ARHGEF33: variants seen among roughly 807,000 people sequenced by gnomAD.
The protein encoded by ARHGEF33 is Rho guanine nucleotide exchange factor 33, also known as DH and coiled-coil domain-containing protein ENSP00000381780.
In ARHGEF33, 72 loss-of-function variants were observed where a neutral mutation model predicts 101.9. The observed-to-expected ratio is 0.71, with a 90% CI of 0.58 to 0.86. The LOEUF (loss-of-function observed/expected upper bound fraction) is 0.86, where lower values mean the gene tolerates loss of function less well. ARHGEF33 is among the 40% of genes least tolerant of loss of function. The pLI, the probability that ARHGEF33 is intolerant of heterozygous loss-of-function variation, is 0.00. For missense variants in ARHGEF33, 1,169 were observed against 1,111.3 expected, an observed-to-expected ratio of 1.05 and a Z score of -0.74; for synonymous variants, 499 against 442.5, an observed-to-expected ratio of 1.13 and a Z score of -1.60.
At chr2:38,918,377 G>T (rs1572747225) in intron 2 of ARHGEF33, among the ~76,000 whole-genome samples, 1 of 152,302 alleles carries the variant, frequency 6.6e-6, no homozygotes. Flanking sequence ...CCCAGGTCAT[G>T]TATCTATCAT....
chr2:38,944,185 C>G (rs947718073), intron 10 of ARHGEF33, among the ~76,000 whole-genome samples, 155 bp downstream of exon 10: 1 of 152,192 alleles, frequency 6.6e-6, no homozygotes, highest in African/African-American at 2.4e-5. Flanking sequence ...TCTCAGTTCA[C>G]TTTGTGCTGC....
chr2:38,935,635 C>A lies in ARHGEF33; in HGVS notation c.506-140C>A, dbSNP rs956877571. ...AGAAAATAGCACTTGCCACACTATACTGTAATTTCTTTTTTTTACTGCTCT... is the reference window on the plus strand; with the variant it reads ...AGAAAATAGCACTTGCCACACTATAATGTAATTTCTTTTTTTTACTGCTCT... On this transcript the variant is annotated intron_variant, in intron 7 of 17. Transcript: ENST00000409978. The A allele has an allele frequency of 2.5e-5, 15 of 606,374 alleles. No homozygotes were observed. In the South Asian group the frequency reaches 3.5e-4, roughly 14 times the overall value. The allele number at this position is 606,374 out of a possible 1,614,324, so 37.6% of individuals were successfully genotyped here.
At chr2:38,950,014 T>A (rs1404657091) in intron 10 of ARHGEF33, among the ~76,000 whole-genome samples, 1 of 152,114 alleles carries the variant, frequency 6.6e-6, no homozygotes. Context: ...CATGATACAA[T>A]CACCTCTCAC....
At chr2:38,892,336 C>T (rs887927284) in intron 1 of ARHGEF33, among the ~76,000 whole-genome samples, 4 of 152,154 alleles carry the variant, frequency 2.6e-5, no homozygotes, top group Non-Finnish European at 5.9e-5. Flanking sequence ...AAAAAAATCT[C>T]CTCCTCGTAA....
intron 8 of ARHGEF33, among the ~76,000 whole-genome samples, chr2:38,936,118 C>T (rs934570870): frequency 6.6e-5 from 10 of 152,196 alleles, no homozygotes; most frequent in Non-Finnish European, 1.2e-4. Flanking sequence ...CAAAAACTTG[C>T]AGGTGAATGT....
rs114377135 is a variant in ARHGEF33 at position 38,927,911 on chromosome 2, A to G, written c.76-996A>G. ...TTCATTTGTTCAATAAATACAACGA[A>G]CTTTAGAAGTGCTCCATTTTCTCCA... On this transcript the variant is annotated intron_variant, in intron 4 of 17. Transcript: ENST00000409978. Among the ~76,000 whole-genome samples, 1,327 of 152,238 alleles carry G rather than the reference A, an allele frequency of 8.7e-3. 19 individuals are homozygous for G. The highest frequency in any genetic ancestry group is 0.029 in the African/African-American group (1,208 of 41,546).
intron 11 of ARHGEF33, among the ~76,000 whole-genome samples, chr2:38,952,042 T>C (rs1323971683): frequency 6.6e-6 from 1 of 152,182 alleles, no homozygotes; most frequent in Non-Finnish European, 1.5e-5. Context: ...ATCCAATCAT[T>C]ATGCAGGAAA....
At chr2:38,948,884 C>G (rs552332642) in intron 10 of ARHGEF33, among the ~76,000 whole-genome samples, 1 of 152,148 alleles carries the variant, frequency 6.6e-6, no homozygotes, top group Non-Finnish European at 1.5e-5. Flanking sequence ...CCGTAGCTAC[C>G]CCTCCAAATT....
At chr2:38,951,148 A>G (rs1667593147) in intron 11 of ARHGEF33, 27 bp downstream of exon 11, 2 of 1,546,344 alleles carry the variant, frequency 1.3e-6, no homozygotes, top group South Asian at 1.2e-5. Flanking sequence ...CCCTCTATAC[A>G]TTTTACTTAT....
At chr2:38,963,707 A>T (rs1306019157) in intron 16 of ARHGEF33, among the ~76,000 whole-genome samples, 1 of 152,202 alleles carries the variant, frequency 6.6e-6, no homozygotes, top group Non-Finnish European at 1.5e-5. Context: ...GGTATTAGCA[A>T]ATGCATTGCC....
chr2:38,892,826 C>T (rs1666035299), intron 1 of ARHGEF33, among the ~76,000 whole-genome samples: 4 of 152,292 alleles, frequency 2.6e-5, no homozygotes, highest in Admixed American at 2.6e-4. Flanking sequence ...GCCCTCCTTT[C>T]CTTTCTAAGA....
At chr2:38,923,172 G>A (rs1271152347) in intron 4 of ARHGEF33, among the ~76,000 whole-genome samples, 4 of 152,134 alleles carry the variant, frequency 2.6e-5, no homozygotes, top group South Asian at 2.1e-4. Flanking sequence ...ACATCTGTTC[G>A]CAGTGGAACA....
chr2:38,942,164 C>CTTTTTTTT (rs35282727), intron 9 of ARHGEF33, among the ~76,000 whole-genome samples: 1 of 107,330 alleles, frequency 9.3e-6, no homozygotes, highest in African/African-American at 4.0e-5. Context: ...TCTCTCCTTT[C>CTTTTTTTT]TTTTTTTTTT....
intron 2 of ARHGEF33, among the ~76,000 whole-genome samples, chr2:38,909,539 A>G (rs1666464660): frequency 7.5e-6 from 1 of 133,752 alleles, no homozygotes; most frequent in Non-Finnish European, 1.6e-5. Flanking sequence ...GGGTTTTGCC[A>G]TGTTGCCCAG....
intron 7 of ARHGEF33, 39 bp from the exon 8 acceptor site, chr2:38,935,736 T>G: frequency 6.5e-7 from 1 of 1,532,424 alleles, no homozygotes; most frequent in Non-Finnish European, 8.9e-7. Flanking sequence ...TCCATGTTAG[T>G]GGAATGAACG....
intron 15 of ARHGEF33, chr2:38,959,456 G>A (rs1415172769): frequency 5.8e-6 from 1 of 173,104 alleles, no homozygotes; most frequent in Non-Finnish European, 1.2e-5. Flanking sequence ...AGATCCACAA[G>A]TCGAACAGAA....
intron 2 of ARHGEF33, among the ~76,000 whole-genome samples, chr2:38,905,221 G>T (rs920566574): frequency 6.6e-6 from 1 of 151,562 alleles, no homozygotes; most frequent in African/African-American, 2.4e-5. Flanking sequence ...TTTCCTTAAA[G>T]ACCTGAATAC....
chr2:38,924,301 G>C (rs1436794096), intron 4 of ARHGEF33, among the ~76,000 whole-genome samples: 2 of 152,136 alleles, frequency 1.3e-5, no homozygotes, highest in African/African-American at 4.8e-5. Context: ...TTTTAGAAAA[G>C]TCTATTCCCT....
rs1475736037 is a variant in ARHGEF33 at position 38,960,437 on chromosome 2, A to T, written c.2132A>T (p.Glu711Val). Reference protein sequence around the residue: ...KAKPLSRSLKEFPRAPPADGV... With the variant: ...KAKPLSRSLKVFPRAPPADGV... Reference sequence around the variant, plus strand: ...AAGCCGCTGAGCCGCTCTCTCAAAGAGTTCCCGCGTGCGCCGCCAGCCGAC... The same window carrying T: ...AAGCCGCTGAGCCGCTCTCTCAAAGTGTTCCCGCGTGCGCCGCCAGCCGAC... The change falls in exon 16 of 18, where the codon GAG (glutamate) becomes GTG (valine). Residue 711 changes from glutamate to valine, a missense_variant. Coordinates refer to ENST00000409978, the MANE Select transcript of ARHGEF33 (RefSeq NM_001145451.5). The T allele has an allele frequency of 3.3e-6, 5 of 1,499,890 alleles. No individual in the cohort carries two copies. Among genetic ancestry groups the T allele is most frequent in the Non-Finnish European group, 4.4e-6 (5 of 1,131,350 alleles). The allele number at this position is 1,499,890 out of a possible 1,614,324, so 92.9% of individuals were successfully genotyped here. A position where few individuals can be genotyped will look rare whatever the true frequency, so the allele number is the denominator to read the frequency against.
Sources: allele counts gnomAD v4.1 joint callset (sites outside exome capture counted in the v4.1 genomes callset), GRCh38; gene constraint gnomAD v4.1.1; transcripts MANE v1.5; gene names NCBI Gene and HGNC (gene_info 2026-07-23, HGNC 2026-07-21).